The following TBC1D9 variants were observed in gnomAD, a reference collection of about 807,000 sequenced individuals.
TBC1D9 encodes TBC1 domain family member 9.
In TBC1D9, 63 loss-of-function variants were observed where a neutral mutation model predicts 132.0. The ratio of observed to expected loss-of-function variants is 0.48; its 90% CI spans 0.39 to 0.59. The LOEUF (loss-of-function observed/expected upper bound fraction) is 0.59, where lower values mean the gene tolerates loss of function less well. Ranked by LOEUF, TBC1D9 falls within the 20% of genes least tolerant of loss-of-function variation. The pLI is 0.00. For missense variants in TBC1D9, 1,261 were observed against 1,592.7 expected (o/e 0.79, Z 3.54); for synonymous variants, 610 against 609.9 (o/e 1.00, Z 0.00).
At chr4:140,643,560 C>A (rs1737046149) in intron 13 of TBC1D9, 2 of 885,610 alleles carry the variant, frequency 2.3e-6, no homozygotes, top group Non-Finnish European at 3.5e-6. Context: ...CATTTCTAGG[C>A]TGGGCTGGGG....
At chr4:140,697,084 A>G (rs76598162) in intron 2 of TBC1D9, among the ~76,000 whole-genome samples, 3,522 of 152,302 alleles carry the variant, frequency 0.023, 84 homozygotes, top group Admixed American at 0.059. Context: ...AAGAAAGAAC[A>G]ATTAATAGGT....
At chr4:140,751,221 G>A (rs1358576938) in intron 1 of TBC1D9, among the ~76,000 whole-genome samples, 2 of 152,034 alleles carry the variant, frequency 1.3e-5, no homozygotes, top group African/African-American at 4.8e-5. Context: ...GTGTGGTGTT[G>A]GTGCAAGAAT....
rs548956867 is a variant in TBC1D9, at chr4:140,638,329, C to A, written c.2505+757G>T. On this transcript the variant is annotated intron_variant, in intron 15 of 20. Coordinates refer to ENST00000442267, the MANE Select transcript of TBC1D9 (RefSeq NM_015130.3). ...TATGACAAAAATATTTTTTTCCAAA[C>A]GAAAAAATTGTACTTTGCTTTATTT... 2.0e-5 allele frequency among the ~76,000 whole-genome samples: 3 copies of A among 151,506 alleles called. No homozygotes were observed. In the East Asian group the frequency reaches 5.8e-4, roughly 29 times the overall value.
intron 1 of TBC1D9, among the ~76,000 whole-genome samples, chr4:140,712,766 T>TA (rs1383806223): frequency 1.3e-5 from 2 of 151,024 alleles, no homozygotes; most frequent in Non-Finnish European, 1.5e-5. Context: ...GATAGATAGA[T>TA]AGATAGATAG....
intron 5 of TBC1D9, 141 bp downstream of exon 5, chr4:140,678,801 C>A (rs956284979): frequency 9.8e-7 from 1 of 1,024,534 alleles, no homozygotes; most frequent in African/African-American, 1.6e-5. Context: ...AGCACCTCAG[C>A]TAGTCTTTTT....
chr4:140,707,316 C>T (rs1184756213), intron 1 of TBC1D9, among the ~76,000 whole-genome samples: 1 of 152,200 alleles, frequency 6.6e-6, no homozygotes, highest in East Asian at 1.9e-4. Context: ...ATTCAGAGTT[C>T]ACCATCTAGA....
At chr4:140,742,426 G>A (rs1293380983) in intron 1 of TBC1D9, among the ~76,000 whole-genome samples, 2 of 150,928 alleles carry the variant, frequency 1.3e-5, no homozygotes, top group African/African-American at 4.9e-5. Context: ...CAGTTACTCA[G>A]GAGGCTGAGG....
chr4:140,725,752 A>G (rs896587074), intron 1 of TBC1D9, among the ~76,000 whole-genome samples: 1 of 152,100 alleles, frequency 6.6e-6, no homozygotes, highest in Non-Finnish European at 1.5e-5. Context: ...CACTGAAAAA[A>G]GCACGGTATG....
intron 1 of TBC1D9, among the ~76,000 whole-genome samples, chr4:140,720,268 C>CT (rs1374889373): frequency 1.3e-5 from 2 of 152,050 alleles, no homozygotes; most frequent in Middle Eastern, 3.2e-3. Context: ...ACTGCTTAAA[C>CT]TTTATCAATA....
At chr4:140,643,091 TC>T (rs1429974659) in intron 13 of TBC1D9, 2 of 1,372,782 alleles carry the variant, frequency 1.5e-6, no homozygotes, top group Non-Finnish European at 2.0e-6. Flanking sequence ...GGGCTTCAGC[TC>T]CCGTGGGAGC....
intron 1 of TBC1D9, among the ~76,000 whole-genome samples, chr4:140,737,594 A>T (rs1360482002): frequency 6.6e-6 from 1 of 152,132 alleles, no homozygotes; most frequent in Admixed American, 6.6e-5. Context: ...ACAAGCACTA[A>T]CATGTTTATC....
rs925457339 is a variant in TBC1D9 at position 140,751,129 on chromosome 4, A to G, written c.130+4787T>C. Among the ~76,000 whole-genome samples the G allele has an allele frequency of 2.6e-5, 4 of 152,216 alleles. No individual in the cohort carries two copies. In the South Asian group the frequency reaches 8.3e-4, roughly 32 times the overall value. ...TCTACTGCATATAAACTCTTATGAT[A>G]AAAGTACAGTACACAATTACCTATG... On this transcript the variant is annotated intron_variant, in intron 1 of 20. Coordinates refer to ENST00000442267, the MANE Select transcript of TBC1D9 (RefSeq NM_015130.3).
At chr4:140,711,893 G>A (rs1738249780) in intron 1 of TBC1D9, among the ~76,000 whole-genome samples, 1 of 152,130 alleles carries the variant, frequency 6.6e-6, no homozygotes, top group African/African-American at 2.4e-5. Flanking sequence ...ACATTAGTAG[G>A]TGAGATGACA....
chr4:140,746,243 G>A (rs1738834158), intron 1 of TBC1D9, among the ~76,000 whole-genome samples: 1 of 152,158 alleles, frequency 6.6e-6, no homozygotes, highest in South Asian at 2.1e-4. Context: ...ACATTTCTGA[G>A]AGAACAGCTT....
At chr4:140,683,446 A>T (rs1437576210) in intron 3 of TBC1D9, among the ~76,000 whole-genome samples, 2 of 152,210 alleles carry the variant, frequency 1.3e-5, no homozygotes, top group Non-Finnish European at 2.9e-5. Flanking sequence ...GAATACAGGG[A>T]TAGAATAGCT....
chr4:140,755,260 T>C (rs1227154152), intron 1 of TBC1D9, among the ~76,000 whole-genome samples: 1 of 152,198 alleles, frequency 6.6e-6, no homozygotes, highest in African/African-American at 2.4e-5. Flanking sequence ...ACAATTACAA[T>C]AATACCTTGA....
At chr4:140,636,768 GA>G (rs1736888065) in intron 15 of TBC1D9, among the ~76,000 whole-genome samples, 1 of 152,180 alleles carries the variant, frequency 6.6e-6, no homozygotes, top group Admixed American at 6.5e-5. Context: ...AAATGTTTGA[GA>G]AGATGAATGA....
chr4:140,718,760 C>T lies in TBC1D9; in HGVS notation c.131-17146G>A, dbSNP rs1237563197. Among the ~76,000 whole-genome samples, 13 of 152,214 alleles carry T rather than the reference C, an allele frequency of 8.5e-5. No individual in the cohort carries two copies. The East Asian group carries it at 2.5e-3, about 29-fold the overall frequency. On this transcript the variant is annotated intron_variant, in intron 1 of 20. Coordinates refer to ENST00000442267, the MANE Select transcript of TBC1D9 (RefSeq NM_015130.3). Reference sequence around the variant, plus strand: ...ATAAGAATGTCCCTAATATTCCTACCTAGTGTTGTGTAAAGTAATCAGAGA... The same window carrying T: ...ATAAGAATGTCCCTAATATTCCTACTTAGTGTTGTGTAAAGTAATCAGAGA...
intron 1 of TBC1D9, among the ~76,000 whole-genome samples, chr4:140,721,062 C>A (rs7688945): frequency 0.74 from 112,888 of 152,106 alleles, 42,311 homozygotes; most frequent in East Asian, 0.94. Context: ...CCTAACTGGC[C>A]GCAGATAAGT....
Sources: allele counts gnomAD v4.1 joint callset (sites outside exome capture counted in the v4.1 genomes callset), GRCh38; gene constraint gnomAD v4.1.1; transcripts MANE v1.5; gene names NCBI Gene and HGNC (gene_info 2026-07-23, HGNC 2026-07-21).